Variants in DNAJC10 observed in about 807,000 individuals in gnomAD.
The protein encoded by DNAJC10 is DnaJ heat shock protein family (Hsp40) member C10, also known as endoplasmic reticulum disulfide reductase DNAJC10.
Under a neutral mutation model 115.0 loss-of-function variants are expected in DNAJC10, and 101 were observed. The observed-to-expected ratio is 0.88, with a 90% CI of 0.75 to 1.04. The LOEUF (loss-of-function observed/expected upper bound fraction) is 1.04. Among genes scored for constraint, DNAJC10 ranks in the 50% least tolerant of loss-of-function variants. DNAJC10 has a pLI of 0.00. For missense variants in DNAJC10, 981 were observed against 928.8 expected (o/e 1.06, Z -0.73); for synonymous variants, 307 against 301.5 (o/e 1.02, Z -0.19).
rs1386190382 is a variant in DNAJC10, at chr2:182,784,733, T to G, written c.*7601T>G. On this transcript the variant is annotated 3_prime_UTR_variant, in exon 24 of 24. Transcript: ENST00000264065. ...ATGTTAGTAACTTTTATTGTAAAAT[T>G]TAAGGTAGCTCTACCTGCTAAAGTA... 6.6e-6 allele frequency: 1 copy of G among 152,194 alleles called. No individual in the cohort carries two copies. The highest frequency in any genetic ancestry group is 6.6e-5 in the Admixed American group (1 of 15,266). The allele number at this position is 152,194 out of a possible 1,614,324, so 9.4% of individuals were successfully genotyped here. A position where few individuals can be genotyped will look rare whatever the true frequency, so the allele number is the denominator to read the frequency against.
At position 182,752,146 on chromosome 2, in the gene DNAJC10, T is replaced by G. The variant is rs1263334540; in HGVS notation, c.1509T>G (p.Phe503Leu). The G allele has an allele frequency of 6.2e-7, 1 of 1,613,582 alleles. No homozygotes were observed. Among genetic ancestry groups the G allele is most frequent in the Non-Finnish European group, 8.5e-7 (1 of 1,179,586 alleles). ...ATCTTCTTTATGGTCAGCTTAAGTT[T>G]GGTACACTAGATTGTACAGTTCATG... ...ASNLLYGQLK[F>L]GTLDCTVHEG... Residue 503 changes from phenylalanine (F) to leucine (L), a missense_variant, in exon 16 of 24, where the codon TTT becomes TTG. By Grantham distance (22) the Phe-to-Leu change is conservative. Transcript: ENST00000264065.
At chr2:182,736,427 C>T (rs1693586796) in intron 11 of DNAJC10, 41 bp downstream of exon 11, 2 of 1,345,106 alleles carry the variant, frequency 1.5e-6, no homozygotes, top group Non-Finnish European at 2.0e-6. Context: ...ATATAATGTG[C>T]AAACACCCTC....
Position 182,741,361 on chromosome 2 carries a change from G to A in DNAJC10, c.1191+5G>A, listed in dbSNP as rs375242699. 4.2e-6 allele frequency: 6 copies of A among 1,441,636 alleles called. No homozygotes were observed. The highest frequency in any genetic ancestry group is 5.7e-6 in the Non-Finnish European group (6 of 1,043,798). The allele number at this position is 1,441,636 out of a possible 1,614,324, so 89.3% of individuals were successfully genotyped here. On this transcript the variant is annotated splice_donor_5th_base_variant and intron_variant, in intron 13 of 23. Coordinates refer to ENST00000264065, the MANE Select transcript of DNAJC10 (RefSeq NM_018981.4). ...CTTAAAAATGATCATATTCAAGTAA[G>A]AAAAATGTATTCTGCCTAGCCTTCT...
chr2:182,720,933 T>C (rs1182449844), intron 4 of DNAJC10, among the ~76,000 whole-genome samples: 1 of 152,132 alleles, frequency 6.6e-6, no homozygotes, highest in East Asian at 1.9e-4. Context: ...CGGTTGACAT[T>C]AAGGTCAATA....
At chr2:182,737,757 C>T (rs1413190397) in intron 11 of DNAJC10, among the ~76,000 whole-genome samples, 1 of 152,188 alleles carries the variant, frequency 6.6e-6, no homozygotes, top group Non-Finnish European at 1.5e-5. Context: ...TCTGCTTCAT[C>T]CAGTTTTTTC....
intron 5 of DNAJC10, among the ~76,000 whole-genome samples, chr2:182,724,590 T>G (rs1881098): frequency 0.017 from 2,643 of 152,302 alleles, 68 homozygotes; most frequent in East Asian, 0.11. Context: ...TCACCTACAT[T>G]TCAAGTATAA....
intron 16 of DNAJC10, 169 bp from the exon 17 acceptor site, chr2:182,754,834 C>T (rs965544886): frequency 1.5e-6 from 2 of 1,353,346 alleles, no homozygotes; most frequent in African/African-American, 2.9e-5. Context: ...CAGTATTCAT[C>T]ACCATAAGTC....
chr2:182,786,308 G>A lies in DNAJC10; in HGVS notation c.*9176G>A, dbSNP rs190646474. ...GTAGGACCACTTTCGAAGAGAATGG[G>A]TAGAATTCATTTTCTTTTCATTACT... On this transcript the variant is annotated 3_prime_UTR_variant, in exon 24 of 24. Transcript: ENST00000264065. 174 of 152,250 alleles carry A rather than the reference G, an allele frequency of 1.1e-3. No homozygotes were observed. The highest frequency in any genetic ancestry group is 3.8e-3 in the African/African-American group (156 of 41,562). 9.4% of individuals were successfully genotyped at this position (152,250 alleles called of 1,614,324 possible).
In DNAJC10 at chr2:182,791,165, G is replaced by C. The variant is rs1695043243; in HGVS notation, c.*14033G>C. 1.3e-5 allele frequency: 2 copies of C among 152,048 alleles called. No homozygotes were observed. Among genetic ancestry groups the C allele is most frequent in the South Asian group, 4.2e-4 (2 of 4,810 alleles). 9.4% of individuals were successfully genotyped at this position (152,048 alleles called of 1,614,324 possible). ...GGCAATTCATTCATTATGAGATCAA[G>C]CCATAAAATTTAAATCCAAGCAGTA... is the stretch of plus-strand genomic sequence containing the variant. On this transcript the variant is annotated 3_prime_UTR_variant, in exon 24 of 24. Transcript: ENST00000264065.
intron 14 of DNAJC10, among the ~76,000 whole-genome samples, chr2:182,745,463 T>G (rs909289011): frequency 5.3e-5 from 8 of 152,240 alleles, no homozygotes; most frequent in African/African-American, 1.9e-4. Context: ...AGCAGCTTCT[T>G]CCCTGGAAAA....
At chr2:182,770,096 G>C (rs898154960) in intron 22 of DNAJC10, among the ~76,000 whole-genome samples, 1 of 152,084 alleles carries the variant, frequency 6.6e-6, no homozygotes, top group African/African-American at 2.4e-5. Flanking sequence ...GCTTGTTTTT[G>C]TCAGGTTTGT....
chr2:182,774,268 A>T (rs1254971726), intron 22 of DNAJC10, among the ~76,000 whole-genome samples: 1 of 152,114 alleles, frequency 6.6e-6, no homozygotes, highest in Non-Finnish European at 1.5e-5. Context: ...GTCGGCCCCT[A>T]CTGGAAGGTG....
At position 182,759,239 on chromosome 2, in the gene DNAJC10, A is replaced by AT. The variant is rs1694232700; in HGVS notation, c.2079dup (p.Asp694Ter). The AT allele has an allele frequency of 6.2e-7, 1 of 1,611,976 alleles. No individual in the cohort carries two copies. The highest frequency in any genetic ancestry group is 8.5e-7 in the Non-Finnish European group (1 of 1,179,558). On this transcript the variant is annotated frameshift_variant, in exon 21 of 24. Transcript: ENST00000264065. LOFTEE classifies it high-confidence loss of function. ...TCTACAAGGGAAAAATCATTGGGTG[A>AT]TTGATTTCTATGCTCCTTGGTGTGG...
intron 16 of DNAJC10, chr2:182,752,619 C>G: frequency 3.3e-6 from 3 of 905,744 alleles, no homozygotes; most frequent in Non-Finnish European, 4.0e-6. Flanking sequence ...AAATTATTTT[C>G]TCAGGTAAAT....
intron 18 of DNAJC10, among the ~76,000 whole-genome samples, 190 bp downstream of exon 18, chr2:182,756,659 G>T (rs1323975887): frequency 6.6e-6 from 1 of 151,878 alleles, no homozygotes. Flanking sequence ...ATTTTTGTGT[G>T]TATAGCATCT....
intron 11 of DNAJC10, among the ~76,000 whole-genome samples, chr2:182,737,039 C>T (rs1021855618): frequency 5.9e-5 from 9 of 152,296 alleles, no homozygotes; most frequent in Non-Finnish European, 7.4e-5. Flanking sequence ...CGTGAGTCAC[C>T]GCACCTAACC....
chr2:182,769,132 A>G (rs1326502036), intron 22 of DNAJC10, among the ~76,000 whole-genome samples: 1 of 152,078 alleles, frequency 6.6e-6, no homozygotes, highest in African/African-American at 2.4e-5. Flanking sequence ...AGCTACATTC[A>G]TGTCCCTGCA....
In DNAJC10 at chr2:182,791,143, A is replaced by G. The variant is rs1200686600; in HGVS notation, c.*14011A>G. ...AAATGTGTTCCCTCAGAAGTAGGGC[A>G]ATTCATTCATTATGAGATCAAGCCA... On this transcript the variant is annotated 3_prime_UTR_variant, in exon 24 of 24. Coordinates refer to ENST00000264065, the MANE Select transcript of DNAJC10 (RefSeq NM_018981.4). The G allele has an allele frequency of 1.3e-5, 2 of 152,186 alleles. No individual in the cohort carries two copies. Among genetic ancestry groups the G allele is most frequent in the Non-Finnish European group, 2.9e-5 (2 of 68,030 alleles). The allele number at this position is 152,186 out of a possible 1,614,324, so 9.4% of individuals were successfully genotyped here. A position where few individuals can be genotyped will look rare whatever the true frequency, so the allele number is the denominator to read the frequency against.
intron 22 of DNAJC10, among the ~76,000 whole-genome samples, chr2:182,774,801 T>A (rs1694659966): frequency 7.5e-6 from 1 of 132,494 alleles, no homozygotes; most frequent in South Asian, 2.5e-4. Context: ...CCTTTGCACT[T>A]CCCGGGTGAG....
Sources: gnomAD v4.1 joint callset for allele counts (sites outside exome capture counted in the v4.1 genomes callset) on GRCh38, gnomAD v4.1.1 for gene constraint, MANE v1.5 for transcripts, NCBI Gene and HGNC (gene_info 2026-07-23, HGNC 2026-07-21) for gene names.